The following LRRC49 variants were observed in gnomAD, a reference collection of about 807,000 sequenced individuals.
LRRC49 encodes leucine rich repeat containing 49, also known as leucine-rich repeat-containing protein 49.
A neutral mutation model predicts 83.3 loss-of-function variants in LRRC49; 50 were observed. That is an observed-to-expected ratio of 0.60 (90% CI 0.48 to 0.76). LRRC49 has a LOEUF of 0.76. LRRC49 is among the 30% of genes least tolerant of loss of function. LRRC49 has a pLI of 0.00. For missense variants in LRRC49, 704 were observed against 809.1 expected (o/e 0.87, Z 1.58); for synonymous variants, 286 against 283.3 (o/e 1.01, Z -0.10).
chr15:70,937,944 G>T (rs959842523), intron 8 of LRRC49, among the ~76,000 whole-genome samples: 2 of 151,820 alleles, frequency 1.3e-5, no homozygotes, highest in African/African-American at 2.4e-5. Flanking sequence ...GCAATGGAAG[G>T]GTCACTCATT....
intron 1 of LRRC49, chr15:70,893,291 T>C (rs2033668935): frequency 1.8e-6 from 1 of 552,602 alleles, no homozygotes; most frequent in Non-Finnish European, 3.2e-6. Flanking sequence ...CCTTCACCTG[T>C]CTCATTGAGA....
intron 8 of LRRC49, among the ~76,000 whole-genome samples, chr15:70,949,166 C>G (rs566134016): frequency 6.5e-4 from 99 of 152,276 alleles, no homozygotes; most frequent in Middle Eastern, 3.4e-3. Context: ...CATATTTGGC[C>G]TGTGGGCTGT....
intron 11 of LRRC49, among the ~76,000 whole-genome samples, chr15:70,999,109 C>T (rs925467186): frequency 1.3e-5 from 2 of 152,134 alleles, no homozygotes; most frequent in Non-Finnish European, 2.9e-5. Flanking sequence ...GTTATTTCAG[C>T]ATATTTAAAA....
At chr15:70,948,277 G>C (rs903405998) in intron 8 of LRRC49, among the ~76,000 whole-genome samples, 1 of 151,914 alleles carries the variant, frequency 6.6e-6, no homozygotes, top group African/African-American at 2.4e-5. Context: ...AACACGTTAT[G>C]GATAAGCACA....
rs759495695 is a variant in LRRC49 at position 70,893,676 on chromosome 15, T to C, written c.105+36T>C. ...AGAAGGTTGGCATTTAAATTGAAGA[T>C]TGTTTTAAATTCTACACAAATAGCA... On this transcript the variant is annotated intron_variant, in intron 2 of 15. Transcript: ENST00000260382. The C allele has an allele frequency of 2.0e-6, 3 of 1,501,464 alleles. No homozygotes were observed. The South Asian group carries it at 3.4e-5, about 17-fold the overall frequency. 93.0% of individuals were successfully genotyped at this position (1,501,464 alleles called of 1,614,324 possible).
intron 2 of LRRC49, among the ~76,000 whole-genome samples, chr15:70,883,348 C>G (rs538158295): frequency 1.3e-5 from 2 of 151,944 alleles, no homozygotes; most frequent in East Asian, 2.0e-4. Flanking sequence ...GGCGCCACCA[C>G]GCCCAGCTAA....
At chr15:70,948,153 C>T (rs1312576734) in intron 8 of LRRC49, among the ~76,000 whole-genome samples, 1 of 151,880 alleles carries the variant, frequency 6.6e-6, no homozygotes, top group Non-Finnish European at 1.5e-5. Context: ...TTTCAATCTC[C>T]CCCACCCCTC....
chr15:70,854,147 C>A lies in LRRC49; in HGVS notation c.-299+678C>A, dbSNP rs917119922. On this transcript the variant is annotated intron_variant, in intron 1 of 16. Transcript: ENST00000544974. ...ACGCCGCAAGGCCCAGCCAGCCGGTCGGCAGCGACTGCGACGAGGGGGCGG... is the reference window on the plus strand; with the variant it reads ...ACGCCGCAAGGCCCAGCCAGCCGGTAGGCAGCGACTGCGACGAGGGGGCGG... The A allele has an allele frequency of 1.1e-5, 13 of 1,176,436 alleles. No homozygotes were observed. In the African/African-American group the frequency reaches 1.8e-4, roughly 16 times the overall value. The allele number at this position is 1,176,436 out of a possible 1,614,324, so 72.9% of individuals were successfully genotyped here.
chr15:70,870,032 C>T (rs527796371), intron 1 of LRRC49, among the ~76,000 whole-genome samples: 12 of 152,286 alleles, frequency 7.9e-5, no homozygotes, highest in African/African-American at 2.4e-4. Context: ...TTATTTCTGA[C>T]ACTCTGAGCT....
At chr15:70,871,802 G>A (rs1446472529) in intron 1 of LRRC49, among the ~76,000 whole-genome samples, 3 of 150,494 alleles carry the variant, frequency 2.0e-5, no homozygotes, top group Non-Finnish European at 4.4e-5. Flanking sequence ...CAGACGGGGC[G>A]GGGGGGTAGA....
At chr15:71,009,255 A>G (rs561903672) in intron 12 of LRRC49, among the ~76,000 whole-genome samples, 28 of 152,002 alleles carry the variant, frequency 1.8e-4, no homozygotes, top group African/African-American at 6.7e-4. Context: ...CAGTATGTTT[A>G]GAAAAGAGCA....
chr15:70,895,822 A>G (rs760469957), intron 2 of LRRC49, 27 bp from the exon 3 acceptor site: 7 of 1,443,346 alleles, frequency 4.8e-6, no homozygotes, highest in Non-Finnish European at 6.7e-6. Context: ...GTCTCCAAAT[A>G]TTTTTTTCTT....
intron 10 of LRRC49, among the ~76,000 whole-genome samples, chr15:70,982,220 T>A (rs1237630409): frequency 6.6e-6 from 1 of 152,162 alleles, no homozygotes; most frequent in Non-Finnish European, 1.5e-5. Context: ...ATCTATGTCA[T>A]TCTGAGTATT....
At chr15:71,035,877 C>T (rs1806521557) in intron 14 of LRRC49, among the ~76,000 whole-genome samples, 1 of 152,086 alleles carries the variant, frequency 6.6e-6, no homozygotes, top group African/African-American at 2.4e-5. Context: ...ATTGCTGGGT[C>T]AAATCGTATT....
At chr15:70,860,579 G>C (rs559039608) in intron 1 of LRRC49, among the ~76,000 whole-genome samples, 3 of 152,216 alleles carry the variant, frequency 2.0e-5, no homozygotes, top group South Asian at 4.1e-4. Context: ...CACCTGGCCA[G>C]TTTAAGTTTT....
upstream of LRRC49, chr15:70,892,157 C>G (rs940290802): frequency 6.2e-7 from 1 of 1,612,524 alleles, no homozygotes. Context: ...GGCGCGGCAA[C>G]CCCGCACGAA....
chr15:71,015,708 C>T (rs982936691), intron 14 of LRRC49, among the ~76,000 whole-genome samples: 1 of 152,178 alleles, frequency 6.6e-6, no homozygotes, highest in African/African-American at 2.4e-5. Flanking sequence ...ATGAAAGTTA[C>T]TGTAATACTT....
At chr15:70,982,809 A>G (rs1370464390) in intron 10 of LRRC49, among the ~76,000 whole-genome samples, 1 of 152,130 alleles carries the variant, frequency 6.6e-6, no homozygotes, top group African/African-American at 2.4e-5. Flanking sequence ...CAGAAATAGA[A>G]CTTTTAAAAC....
At chr15:70,988,058 A>G (rs1318263699) in intron 11 of LRRC49, among the ~76,000 whole-genome samples, 9 of 151,750 alleles carry the variant, frequency 5.9e-5, no homozygotes, top group Non-Finnish European at 8.8e-5. Context: ...ACTTCCAACT[A>G]TGTGGTCAAT....
Sources: allele counts gnomAD v4.1 joint callset (sites outside exome capture counted in the v4.1 genomes callset), GRCh38; gene constraint gnomAD v4.1.1; transcripts MANE v1.5; gene names NCBI Gene and HGNC (gene_info 2026-07-23, HGNC 2026-07-21).